PDGFC: variants seen among roughly 807,000 people sequenced by gnomAD.
The protein encoded by PDGFC is platelet-derived growth factor C.
In PDGFC, 12 loss-of-function variants were observed where a neutral mutation model predicts 35.5. The observed-to-expected ratio is 0.34, with a 90% confidence interval of 0.22 to 0.55. The LOEUF (loss-of-function observed/expected upper bound fraction) is 0.55, where lower values mean the gene tolerates loss of function less well. PDGFC is among the 20% of genes least tolerant of loss of function. The pLI is 0.91. For missense variants in PDGFC, 322 were observed against 412.4 expected (o/e 0.78, Z 1.90); for synonymous variants, 159 against 148.8 (o/e 1.07, Z -0.50).
chr4:156,943,801 T>C (rs1731872209), intron 1 of PDGFC, among the ~76,000 whole-genome samples: 1 of 152,126 alleles, frequency 6.6e-6, no homozygotes, highest in African/African-American at 2.4e-5. Context: ...GGTTAAGTGG[T>C]GAAGTCAAGA....
intron 3 of PDGFC, among the ~76,000 whole-genome samples, chr4:156,807,331 C>T (rs1731795599): frequency 6.6e-6 from 1 of 151,684 alleles, no homozygotes; most frequent in Non-Finnish European, 1.5e-5. Context: ...TAGTTTATAA[C>T]ACCAAATGAA....
chr4:156,819,316 T>C (rs1028216094), intron 2 of PDGFC, among the ~76,000 whole-genome samples: 2 of 152,166 alleles, frequency 1.3e-5, no homozygotes, highest in South Asian at 2.1e-4. Context: ...ATCTAGTAAT[T>C]TGATAGCTAG....
chr4:156,779,444 C>T (rs1018648749), intron 3 of PDGFC, among the ~76,000 whole-genome samples: 10 of 152,064 alleles, frequency 6.6e-5, no homozygotes, highest in African/African-American at 2.4e-4. Flanking sequence ...AAGAGCATGA[C>T]AATTGAATAA....
At chr4:156,794,670 G>A (rs1579013133) in intron 3 of PDGFC, among the ~76,000 whole-genome samples, 1 of 151,642 alleles carries the variant, frequency 6.6e-6, no homozygotes, top group Non-Finnish European at 1.5e-5. Context: ...CTATTAAAGG[G>A]TATCATTCTA....
intron 1 of PDGFC, among the ~76,000 whole-genome samples, chr4:156,928,729 T>G (rs928394561): frequency 6.6e-6 from 1 of 152,220 alleles, no homozygotes; most frequent in East Asian, 1.9e-4. Context: ...TATCCTTTTA[T>G]GGTGTTAAAG....
chr4:156,905,103 A>G (rs986287553), intron 1 of PDGFC, among the ~76,000 whole-genome samples: 1 of 151,870 alleles, frequency 6.6e-6, no homozygotes, highest in African/African-American at 2.4e-5. Context: ...CACATAAGGG[A>G]AATACAAAAA....
At chr4:156,883,838 G>C (rs1035992298) in intron 1 of PDGFC, among the ~76,000 whole-genome samples, 1 of 152,186 alleles carries the variant, frequency 6.6e-6, no homozygotes, top group South Asian at 2.1e-4. Context: ...TTATACCTGA[G>C]GGGGGTCACT....
chr4:156,830,914 G>C (rs1253947487), intron 2 of PDGFC, among the ~76,000 whole-genome samples: 3 of 152,098 alleles, frequency 2.0e-5, no homozygotes, highest in Non-Finnish European at 2.9e-5. Context: ...GAGTCCTATA[G>C]GCAGAGATTG....
chr4:156,962,820 T>C (rs541134481), intron 1 of PDGFC, among the ~76,000 whole-genome samples: 76 of 152,134 alleles, frequency 5.0e-4, no homozygotes, highest in Admixed American at 1.8e-3. Context: ...TCTGCAAACA[T>C]TGAGGACACA....
chr4:156,858,792 C>A (rs1729642687), intron 1 of PDGFC, among the ~76,000 whole-genome samples: 1 of 151,240 alleles, frequency 6.6e-6, no homozygotes, highest in South Asian at 2.1e-4. Flanking sequence ...CATTATATAT[C>A]CTTTAAACAA....
intron 3 of PDGFC, chr4:156,778,120 AAAAATAAAAAAT>A (rs1430347271): frequency 4.0e-6 from 1 of 248,938 alleles, no homozygotes; most frequent in Non-Finnish European, 8.5e-6. Flanking sequence ...TAAAAAATAA[AAAAATAAAAAAT>A]AAGGCAAATG....
At chr4:156,858,270 G>A (rs1046189403) in intron 1 of PDGFC, among the ~76,000 whole-genome samples, 1 of 151,986 alleles carries the variant, frequency 6.6e-6, no homozygotes, top group African/African-American at 2.4e-5. Context: ...TAAGGTAATG[G>A]TAAAAAATAA....
intron 1 of PDGFC, among the ~76,000 whole-genome samples, chr4:156,867,123 T>C (rs1370906751): frequency 6.6e-6 from 1 of 152,266 alleles, no homozygotes; most frequent in Non-Finnish European, 1.5e-5. Context: ...TTTTTTAATA[T>C]TTCATTTTAA....
chr4:156,783,989 T>G (rs561123584), intron 3 of PDGFC, among the ~76,000 whole-genome samples: 48 of 152,154 alleles, frequency 3.2e-4, no homozygotes, highest in Non-Finnish European at 6.3e-4. Flanking sequence ...GACATAACTA[T>G]GTAATACAGG....
intron 3 of PDGFC, among the ~76,000 whole-genome samples, chr4:156,803,584 A>T (rs960192761): frequency 6.6e-6 from 1 of 152,160 alleles, no homozygotes; most frequent in Non-Finnish European, 1.5e-5. Flanking sequence ...AGGTAAATTC[A>T]AAAGAGTTAT....
intron 1 of PDGFC, among the ~76,000 whole-genome samples, chr4:156,941,753 A>G (rs1013953294): frequency 6.6e-6 from 1 of 152,112 alleles, no homozygotes; most frequent in African/African-American, 2.4e-5. Flanking sequence ...GAAGTTACTT[A>G]CATGATAAAA....
intron 2 of PDGFC, among the ~76,000 whole-genome samples, chr4:156,847,649 C>T (rs79031044): frequency 0.06 from 6,597 of 109,476 alleles, 493 homozygotes; most frequent in African/African-American, 0.25. Context: ...CTTAGTTATG[C>T]AAATATGCCA....
intron 1 of PDGFC, among the ~76,000 whole-genome samples, chr4:156,907,266 TG>T (rs1288790211): frequency 6.6e-6 from 1 of 152,220 alleles, no homozygotes; most frequent in Admixed American, 6.5e-5. Flanking sequence ...TTTTTATACA[TG>T]TTGATTTTTA....
In PDGFC at chr4:156,835,122, T is replaced by C. The variant is rs562046258; in HGVS notation, c.314+15099A>G. ...CTACAGAAGTGACATTTCCAGAAAA[T>C]TGATTTTCTTAAACTGATTACAAAT... On this transcript the variant is annotated intron_variant, in intron 2 of 5. Transcript: ENST00000502773. Among the ~76,000 whole-genome samples, 11 of 152,258 alleles carry C rather than the reference T, an allele frequency of 7.2e-5. No homozygotes were observed. In the East Asian group the frequency reaches 1.7e-3, roughly 24 times the overall value.
Sources: allele counts gnomAD v4.1 joint callset (sites outside exome capture counted in the v4.1 genomes callset), GRCh38; gene constraint gnomAD v4.1.1; transcripts MANE v1.5; gene names NCBI Gene and HGNC (gene_info 2026-07-23, HGNC 2026-07-21).